Variants in PPP6R3 observed in about 807,000 individuals in gnomAD.
The protein encoded by PPP6R3 is protein phosphatase 6 regulatory subunit 3.
Under a neutral mutation model 110.7 loss-of-function variants are expected in PPP6R3, and 38 were observed. The ratio of observed to expected loss-of-function variants is 0.34; its 90% CI spans 0.26 to 0.45. The LOEUF is 0.45. Among genes scored for constraint, PPP6R3 ranks in the 20% least tolerant of loss-of-function variants. The pLI is 1.00. For synonymous variants in PPP6R3, 369 were observed against 373.5 expected (o/e 0.99, Z 0.14); for missense variants, 870 against 1,062.4 (o/e 0.82, Z 2.52).
chr11:68,588,823 A>T (rs903214353), intron 16 of PPP6R3, among the ~76,000 whole-genome samples: 2 of 151,992 alleles, frequency 1.3e-5, no homozygotes, highest in African/African-American at 4.8e-5. Flanking sequence ...CCTCTTTCAC[A>T]GAAGCCTATT....
At chr11:68,527,875 T>C (rs920349033) in intron 2 of PPP6R3, among the ~76,000 whole-genome samples, 6 of 152,224 alleles carry the variant, frequency 3.9e-5, no homozygotes, top group Non-Finnish European at 7.3e-5. Flanking sequence ...TGGGTCTTCC[T>C]GTCCACTGCT....
chr11:68,488,482 T>C (rs774599612), intron 1 of PPP6R3: 5 of 152,250 alleles, frequency 3.3e-5, no homozygotes, highest in Non-Finnish European at 5.9e-5. Context: ...TCCTTTACTT[T>C]TGATCTACGT....
intron 9 of PPP6R3, among the ~76,000 whole-genome samples, chr11:68,565,505 CAG>C (rs879508182): frequency 2.6e-5 from 4 of 151,846 alleles, no homozygotes; most frequent in Non-Finnish European, 4.4e-5. Flanking sequence ...GGAAGAAAAA[CAG>C]AGTAAGGAAA....
intron 8 of PPP6R3, among the ~76,000 whole-genome samples, chr11:68,559,891 C>T (rs933936371): frequency 1.3e-4 from 16 of 124,606 alleles, no homozygotes; most frequent in African/African-American, 4.6e-4. Flanking sequence ...CCCAGCGGTA[C>T]GGTGCCCTCT....
At chr11:68,490,589 A>G (rs573422256) in intron 1 of PPP6R3, among the ~76,000 whole-genome samples, 11 of 150,456 alleles carry the variant, frequency 7.3e-5, no homozygotes, top group African/African-American at 2.4e-4. Context: ...CATATGTTAT[A>G]CCTTTTGTAG....
intron 1 of PPP6R3, among the ~76,000 whole-genome samples, chr11:68,510,977 C>G (rs2099105804): frequency 6.6e-6 from 1 of 152,118 alleles, no homozygotes; most frequent in Non-Finnish European, 1.5e-5. Context: ...TCTCTCTTCC[C>G]TATCCACCCA....
chr11:68,536,229 A>T (rs1002615220), intron 2 of PPP6R3, among the ~76,000 whole-genome samples: 1 of 152,124 alleles, frequency 6.6e-6, no homozygotes, highest in East Asian at 1.9e-4. Context: ...TAAAATCAGG[A>T]TGTATTCCTG....
intron 1 of PPP6R3, among the ~76,000 whole-genome samples, 163 bp downstream of exon 1, chr11:68,460,990 G>T (rs1033910578): frequency 1.5e-4 from 23 of 151,820 alleles, no homozygotes; most frequent in African/African-American, 5.6e-4. Flanking sequence ...GGGCCCGGGA[G>T]GCGCGGCGCC....
At chr11:68,568,087 G>A (rs561404134) in intron 10 of PPP6R3, among the ~76,000 whole-genome samples, 3 of 151,976 alleles carry the variant, frequency 2.0e-5, no homozygotes, top group African/African-American at 4.8e-5. Context: ...GCTTCCTAGC[G>A]TCACCGAGAT....
At chr11:68,472,615 G>C (rs1222332782) in intron 1 of PPP6R3, among the ~76,000 whole-genome samples, 1 of 151,416 alleles carries the variant, frequency 6.6e-6, no homozygotes, top group African/African-American at 2.4e-5. Context: ...TTATATCTCG[G>C]GGTTTTTTTT....
At chr11:68,595,200 ATTTTTTTTTTT>A (rs71043443) in intron 18 of PPP6R3, among the ~76,000 whole-genome samples, 8 of 81,180 alleles carry the variant, frequency 9.9e-5, no homozygotes, top group South Asian at 5.1e-4. Context: ...CATAAAAATA[ATTTTTTTTTTT>A]TTTTTTTTTT....
chr11:68,483,819 A>G (rs1242837123), intron 1 of PPP6R3, among the ~76,000 whole-genome samples: 2 of 152,226 alleles, frequency 1.3e-5, no homozygotes, highest in Admixed American at 6.5e-5. Context: ...AAGGACATGT[A>G]GCCACCATTG....
At chr11:68,585,282 G>A (rs764882843) in intron 15 of PPP6R3, among the ~76,000 whole-genome samples, 2 of 152,176 alleles carry the variant, frequency 1.3e-5, no homozygotes, top group Non-Finnish European at 2.9e-5. Context: ...ACTGACTGCC[G>A]CATATGGGCT....
chr11:68,600,697 A>G (rs780586399), intron 20 of PPP6R3, among the ~76,000 whole-genome samples: 7 of 152,230 alleles, frequency 4.6e-5, no homozygotes, highest in Non-Finnish European at 1.0e-4. Flanking sequence ...CTCCTGGATT[A>G]ATTGGAAATG....
At chr11:68,538,403 T>C (rs1050873472) in intron 3 of PPP6R3, among the ~76,000 whole-genome samples, 2 of 152,208 alleles carry the variant, frequency 1.3e-5, no homozygotes, top group Non-Finnish European at 2.9e-5. Context: ...AATCCTTTAT[T>C]ACCATCACTG....
chr11:68,500,756 G>A (rs549703687), intron 1 of PPP6R3, among the ~76,000 whole-genome samples: 1 of 152,214 alleles, frequency 6.6e-6, no homozygotes, highest in Non-Finnish European at 1.5e-5. Context: ...GATTACAGGC[G>A]TGAGCCACTG....
Position 68,613,782 on chromosome 11 carries a change from A to ATAAAT in PPP6R3, c.*667_*671dup. On this transcript the variant is annotated 3_prime_UTR_variant, in exon 24 of 24. Coordinates refer to ENST00000393800, the MANE Select transcript of PPP6R3 (RefSeq NM_001164161.2). ...AGTATTTATTGCTACATCATAGTTGATAAATTGATGTTATCGTAAAGCCAT... is the reference window on the plus strand; with the variant it reads ...AGTATTTATTGCTACATCATAGTTGATAAATTAAATTGATGTTATCGTAAAGCCAT... 1.0e-6 allele frequency: 1 copy of ATAAAT among 981,874 alleles called. No individual in the cohort carries two copies. The highest frequency in any genetic ancestry group is 1.2e-6 in the Non-Finnish European group (1 of 826,330). 60.8% of individuals were successfully genotyped at this position (981,874 alleles called of 1,614,324 possible).
At chr11:68,572,811 C>CT (rs1225668368) in intron 12 of PPP6R3, among the ~76,000 whole-genome samples, 1 of 151,910 alleles carries the variant, frequency 6.6e-6, no homozygotes, top group Non-Finnish European at 1.5e-5. Flanking sequence ...CACTGCACTC[C>CT]AGCCTGGATG....
At chr11:68,479,308 C>T (rs1029803933) in intron 1 of PPP6R3, among the ~76,000 whole-genome samples, 11 of 152,082 alleles carry the variant, frequency 7.2e-5, no homozygotes, top group South Asian at 2.1e-4. Flanking sequence ...CCCTTGGAGA[C>T]GCGGAATAAA....
Sources: gnomAD v4.1 joint callset for allele counts (sites outside exome capture counted in the v4.1 genomes callset) on GRCh38, gnomAD v4.1.1 for gene constraint, MANE v1.5 for transcripts, NCBI Gene and HGNC (gene_info 2026-07-23, HGNC 2026-07-21) for gene names.